OR2L13: variants seen among roughly 807,000 people sequenced by gnomAD.
OR2L13 encodes the protein olfactory receptor family 2 subfamily L member 13.
In OR2L13, 14 loss-of-function variants were observed where a neutral mutation model predicts 15.3. The ratio of observed to expected loss-of-function variants is 0.91; its 90% CI spans 0.60 to 1.43. The LOEUF is 1.43. Among genes scored for constraint, OR2L13 ranks in the 40% most tolerant of loss-of-function variants. OR2L13 has a pLI of 0.00. For missense variants in OR2L13, 367 were observed against 387.9 expected, an observed-to-expected ratio of 0.95 and a Z score of 0.45; for synonymous variants, 152 against 142.9, an observed-to-expected ratio of 1.06 and a Z score of -0.45.
chr1:248,026,116 C>A, the OR2L13 span, among the ~76,000 whole-genome samples: 6 of 151,992 alleles, frequency 3.9e-5, no homozygotes, highest in African/African-American at 1.4e-4. Context: ...AAAGAAAAAT[C>A]ATTTGGCAAA....
chr1:248,070,487 G>A, the OR2L13 span, among the ~76,000 whole-genome samples: 1 of 152,094 alleles, frequency 6.6e-6, no homozygotes, highest in East Asian at 1.9e-4. Context: ...TATGTAGAGG[G>A]AAATTAATAG....
the OR2L13 span, among the ~76,000 whole-genome samples, chr1:247,984,873 A>C: frequency 2.6e-5 from 4 of 152,072 alleles, no homozygotes; most frequent in African/African-American, 7.2e-5. Flanking sequence ...TGTTCCCTAC[A>C]CAATTATTCT....
the OR2L13 span, chr1:247,949,458 A>G: frequency 5.6e-6 from 9 of 1,597,096 alleles, no homozygotes; most frequent in Non-Finnish European, 7.7e-6. Context: ...AGTGTTTTTG[A>G]GTGCCACCAT....
the OR2L13 span, chr1:248,084,219 T>A: frequency 6.2e-7 from 1 of 1,611,650 alleles, no homozygotes; most frequent in Non-Finnish European, 8.5e-7. Flanking sequence ...TCGGAGTGGG[T>A]GGCAGACAGC....
chr1:248,076,342 T>A, the OR2L13 span, among the ~76,000 whole-genome samples: 2 of 152,326 alleles, frequency 1.3e-5, no homozygotes, highest in East Asian at 3.9e-4. Context: ...TCTTTTTGGT[T>A]CCATATGAAC....
At chr1:247,976,357 T>C in the OR2L13 span, among the ~76,000 whole-genome samples, 7 of 152,204 alleles carry the variant, frequency 4.6e-5, no homozygotes, top group African/African-American at 1.7e-4. Context: ...AATCAACACA[T>C]CTATACAGCT....
the OR2L13 span, among the ~76,000 whole-genome samples, chr1:248,064,148 C>T: frequency 1.2e-4 from 18 of 152,140 alleles, no homozygotes; most frequent in African/African-American, 4.1e-4. Flanking sequence ...TGTTGCTATC[C>T]TCCCAAAATC....
chr1:247,997,103 A>G, the OR2L13 span: 1 of 152,230 alleles, frequency 6.6e-6, no homozygotes, highest in Admixed American at 6.5e-5. Context: ...TATGCATATC[A>G]AAATAAATAT....
At chr1:247,961,789 A>T in the OR2L13 span, among the ~76,000 whole-genome samples, 1 of 152,122 alleles carries the variant, frequency 6.6e-6, no homozygotes, top group Non-Finnish European at 1.5e-5. Flanking sequence ...GATAAAATGC[A>T]GTTTACATTT....
the OR2L13 span, among the ~76,000 whole-genome samples, chr1:247,938,620 A>C: frequency 6.6e-6 from 1 of 152,148 alleles, no homozygotes; most frequent in Non-Finnish European, 1.5e-5. Flanking sequence ...TGAGGGTAGT[A>C]GAAGACTTCA....
At chr1:247,975,235 C>G in the OR2L13 span, 1 of 410,054 alleles carries the variant, frequency 2.4e-6, no homozygotes, top group South Asian at 2.0e-5. Flanking sequence ...CCCCATATCC[C>G]TGTTGCTCAG....
At chr1:248,051,769 T>TTTTA in the OR2L13 span, among the ~76,000 whole-genome samples, 32,626 of 151,390 alleles carry the variant, frequency 0.22, 4,787 homozygotes, top group African/African-American at 0.42. Context: ...TCTGCTTTTA[T>TTTTA]TTTATTTATT....
At chr1:247,990,753 A>G in the OR2L13 span, 1 of 1,597,628 alleles carries the variant, frequency 6.3e-7, no homozygotes, top group Non-Finnish European at 8.6e-7. Flanking sequence ...CGGTATATGC[A>G]CTCCGTATCC....
chr1:247,965,807 T>C, the OR2L13 span: 4 of 1,608,952 alleles, frequency 2.5e-6, no homozygotes, highest in African/African-American at 4.0e-5. Flanking sequence ...TGCTGCCTCA[T>C]GGTTGCATGT....
At chr1:248,073,842 C>A in the OR2L13 span, among the ~76,000 whole-genome samples, 3 of 151,710 alleles carry the variant, frequency 2.0e-5, no homozygotes, top group Non-Finnish European at 4.4e-5. Context: ...AAATCTCTCT[C>A]CATTGACACA....
chr1:247,965,467 A>G, the OR2L13 span: 11 of 1,613,836 alleles, frequency 6.8e-6, no homozygotes, highest in Non-Finnish European at 9.3e-6. Flanking sequence ...CTTTGTCGTC[A>G]TTGCCACCCT....
chr1:247,968,487 T>C, the OR2L13 span, among the ~76,000 whole-genome samples: 2 of 150,352 alleles, frequency 1.3e-5, no homozygotes, highest in Non-Finnish European at 2.9e-5. Flanking sequence ...AGTGCTATCC[T>C]TCCCCCAGCC....
chr1:248,015,034 C>T, the OR2L13 span, among the ~76,000 whole-genome samples: 3 of 152,132 alleles, frequency 2.0e-5, no homozygotes, highest in African/African-American at 7.2e-5. Flanking sequence ...ACCTATGTAT[C>T]TATCTATGAG....
chr1:248,009,760 A>G, the OR2L13 span, among the ~76,000 whole-genome samples: 1 of 152,168 alleles, frequency 6.6e-6, no homozygotes, highest in South Asian at 2.1e-4. Context: ...AGATGCAAAA[A>G]TCCTCAATAA....
Sources: gnomAD v4.1 joint callset for allele counts (sites outside exome capture counted in the v4.1 genomes callset) on GRCh38, gnomAD v4.1.1 for gene constraint, MANE v1.5 for transcripts, NCBI Gene and HGNC (gene_info 2026-07-23, HGNC 2026-07-21) for gene names.